The following AKAP6 variants were observed in gnomAD, a reference collection of about 807,000 sequenced individuals.
AKAP6 encodes the protein A-kinase anchor protein 6.
AKAP6 carries 58 observed loss-of-function variants against 188.5 expected under a neutral mutation model. The ratio of observed to expected loss-of-function variants is 0.31; its 90% CI spans 0.25 to 0.38. The LOEUF is 0.38. Among genes scored for constraint, AKAP6 ranks in the 10% least tolerant of loss-of-function variants. The pLI, the probability that AKAP6 is intolerant of heterozygous loss-of-function variation, is 1.00. For missense variants in AKAP6, 2,710 were observed against 2,740.0 expected (o/e 0.99, Z 0.24); for synonymous variants, 989 against 998.6 (o/e 0.99, Z 0.18).
chr14:32,633,332 C>T (rs1887352902), intron 7 of AKAP6, among the ~76,000 whole-genome samples: 1 of 152,112 alleles, frequency 6.6e-6, no homozygotes. Flanking sequence ...GAAGTTTACT[C>T]ATTTTGGTCT....
intron 2 of AKAP6, among the ~76,000 whole-genome samples, chr14:32,478,002 G>C (rs1879158511): frequency 6.6e-6 from 1 of 152,172 alleles, no homozygotes; most frequent in Admixed American, 6.5e-5. Flanking sequence ...AATGATGAGA[G>C]AGTCTTAGAT....
rs114422074 is a variant in AKAP6, at chr14:32,427,272, C to T, written c.-34-6188C>T. 4.9e-4 allele frequency among the ~76,000 whole-genome samples: 74 copies of T among 152,252 alleles called. 1 individual carries two copies. The highest frequency in any genetic ancestry group is 1.7e-3 in the African/African-American group (70 of 41,528). ...GATCTCACTAAACAGTGTTACTCTG[C>T]GTGAGTGCTGGAGGGCATTGGGGTG... On this transcript the variant is annotated intron_variant, in intron 1 of 13. Coordinates refer to ENST00000280979, the MANE Select transcript of AKAP6 (RefSeq NM_004274.5).
chr14:32,351,562 C>CAAAA (rs71432045), intron 1 of AKAP6, among the ~76,000 whole-genome samples: 15 of 116,540 alleles, frequency 1.3e-4, no homozygotes, highest in Admixed American at 3.6e-4. Context: ...GACTTCATCT[C>CAAAA]AAAAAAAAAA....
intron 1 of AKAP6, among the ~76,000 whole-genome samples, chr14:32,340,379 A>G (rs1409700119): frequency 6.6e-6 from 1 of 152,138 alleles, no homozygotes; most frequent in Non-Finnish European, 1.5e-5. Flanking sequence ...ATTCTAATCT[A>G]TTTCAGAGAG....
rs533009749 is a variant in AKAP6, at chr14:32,618,245, G to A, written c.2730+17453G>A. The stretch of plus-strand genomic sequence containing the variant: ...GGATACCAGCGGTTTTTGTTTACAC[G>A]GATGAATTGTATAGTGGTGAAACCT... On this transcript the variant is annotated intron_variant, in intron 7 of 13. Transcript: ENST00000280979. Among the ~76,000 whole-genome samples the A allele has an allele frequency of 9.9e-5, 15 of 152,068 alleles. No homozygotes were observed. The South Asian group carries it at 2.7e-3, about 27-fold the overall frequency.
At chr14:32,341,720 A>G (rs999713624) in intron 1 of AKAP6, among the ~76,000 whole-genome samples, 4 of 152,178 alleles carry the variant, frequency 2.6e-5, no homozygotes, top group African/African-American at 9.7e-5. Flanking sequence ...ATAATGTTTT[A>G]TTTTGTCTAA....
intron 7 of AKAP6, among the ~76,000 whole-genome samples, chr14:32,633,038 A>G (rs1887342767): frequency 6.6e-6 from 1 of 152,086 alleles, no homozygotes; most frequent in South Asian, 2.1e-4. Context: ...AAATCAAGAA[A>G]GTATGGACAC....
intron 4 of AKAP6, among the ~76,000 whole-genome samples, chr14:32,557,707 G>T (rs1883753198): frequency 6.6e-6 from 1 of 152,066 alleles, no homozygotes; most frequent in Non-Finnish European, 1.5e-5. Context: ...TTTCTTCACT[G>T]GCATTCCATT....
chr14:32,672,888 C>T (rs928423627), intron 7 of AKAP6, among the ~76,000 whole-genome samples: 1 of 152,194 alleles, frequency 6.6e-6, no homozygotes, highest in African/African-American at 2.4e-5. Context: ...AGGCGACTAT[C>T]TTGTCATGAC....
At chr14:32,677,808 AACACAG>A (rs1566641610) in intron 7 of AKAP6, among the ~76,000 whole-genome samples, 1 of 152,256 alleles carries the variant, frequency 6.6e-6, no homozygotes, top group African/African-American at 2.4e-5. Flanking sequence ...TTAAGACAGT[AACACAG>A]ACAACCAAAA....
intron 11 of AKAP6, among the ~76,000 whole-genome samples, chr14:32,764,695 T>TAC (rs34290753): frequency 0.71 from 105,425 of 148,286 alleles, 37,560 homozygotes; most frequent in Admixed American, 0.79. Context: ...ATGACAATAA[T>TAC]ACACACACAC....
intron 9 of AKAP6, among the ~76,000 whole-genome samples, chr14:32,702,508 T>G (rs74695843): frequency 6.6e-6 from 1 of 151,876 alleles, no homozygotes. Flanking sequence ...TTTGAAACAC[T>G]GTTCATGCTG....
intron 2 of AKAP6, among the ~76,000 whole-genome samples, chr14:32,483,730 T>C (rs553229745): frequency 3.3e-5 from 5 of 151,838 alleles, no homozygotes; most frequent in Non-Finnish European, 5.9e-5. Context: ...GTGATCTGCA[T>C]GCCTCAGCCT....
Position 32,819,439 on chromosome 14 carries a change from T to C in AKAP6, c.3589-1963T>C, listed in dbSNP as rs112348281. On this transcript the variant is annotated intron_variant, in intron 12 of 13. Transcript: ENST00000280979. The stretch of plus-strand genomic sequence containing the variant: ...TGAGGAATACAAGCATCATGGGCTG[T>C]TTTTCAACCAGACAGTTAAAATAAT... Among the ~76,000 whole-genome samples, 1,130 of 152,246 alleles carry C rather than the reference T, an allele frequency of 7.4e-3. 19 individuals carry two copies. Among genetic ancestry groups the C allele is most frequent in the African/African-American group, 0.026 (1,076 of 41,554 alleles).
At chr14:32,434,894 A>G (rs1451389957) in intron 2 of AKAP6, among the ~76,000 whole-genome samples, 1 of 152,180 alleles carries the variant, frequency 6.6e-6, no homozygotes, top group African/African-American at 2.4e-5. Flanking sequence ...AGAACAAAAG[A>G]GCCAGAATCT....
intron 2 of AKAP6, among the ~76,000 whole-genome samples, chr14:32,438,233 G>A (rs976877207): frequency 6.6e-6 from 1 of 152,142 alleles, no homozygotes; most frequent in African/African-American, 2.4e-5. Context: ...CAGAAATCTG[G>A]GGGATCTTGT....
At chr14:32,354,877 G>A (rs1479695869) in intron 1 of AKAP6, among the ~76,000 whole-genome samples, 2 of 152,204 alleles carry the variant, frequency 1.3e-5, no homozygotes, top group Non-Finnish European at 1.5e-5. Flanking sequence ...TGCCATCCCG[G>A]GGAGTTGCCC....
intron 7 of AKAP6, among the ~76,000 whole-genome samples, chr14:32,631,492 A>G (rs1414606836): frequency 1.3e-5 from 2 of 152,100 alleles, no homozygotes; most frequent in East Asian, 1.9e-4. Flanking sequence ...GTTAGTAAAC[A>G]CTGGATATTA....
chr14:32,703,937 A>G (rs1244942750), intron 9 of AKAP6, among the ~76,000 whole-genome samples: 3 of 152,190 alleles, frequency 2.0e-5, no homozygotes, highest in Admixed American at 2.0e-4. Context: ...TTAAAGTATC[A>G]TCATTTCTTG....
Sources: allele counts gnomAD v4.1 joint callset (sites outside exome capture counted in the v4.1 genomes callset), GRCh38; gene constraint gnomAD v4.1.1; transcripts MANE v1.5; gene names NCBI Gene and HGNC (gene_info 2026-07-23, HGNC 2026-07-21).